The following SCN1A variants were observed in gnomAD, a reference collection of about 807,000 sequenced individuals.
The protein encoded by SCN1A is sodium voltage-gated channel alpha subunit 1.
In SCN1A, 13 loss-of-function variants were observed where a neutral mutation model predicts 193.7. The observed-to-expected ratio is 0.07, with a 90% confidence interval of 0.04 to 0.11. The LOEUF (loss-of-function observed/expected upper bound fraction) is 0.11, where lower values mean the gene tolerates loss of function less well. SCN1A is among the 10% of genes least tolerant of loss of function. The pLI, the probability that SCN1A is intolerant of heterozygous loss-of-function variation, is 1.00. For missense variants in SCN1A, 1,432 were observed against 2,451.1 expected, an observed-to-expected ratio of 0.58 and a Z score of 8.78; for synonymous variants, 781 against 843.6, an observed-to-expected ratio of 0.93 and a Z score of 1.29.
At chr2:166,105,076 G>A (rs1048323264) in intron 2 of SCN1A, among the ~76,000 whole-genome samples, 1 of 152,114 alleles carries the variant, frequency 6.6e-6, no homozygotes, top group Non-Finnish European at 1.5e-5. Flanking sequence ...TTGCTATAGA[G>A]GAAAAAGTGT....
chr2:166,012,786 T>C (rs1692706846), intron 21 of SCN1A, among the ~76,000 whole-genome samples: 1 of 146,108 alleles, frequency 6.8e-6, no homozygotes, highest in East Asian at 2.0e-4. Context: ...ATAATTTATG[T>C]TTCTCAACAG....
chr2:166,024,922 G>A (rs1313774373), intron 19 of SCN1A, among the ~76,000 whole-genome samples: 1 of 152,224 alleles, frequency 6.6e-6, no homozygotes, highest in African/African-American at 2.4e-5. Context: ...CCAAAGTGCT[G>A]TGACTACAGG....
chr2:166,058,510 C>G lies in SCN1A; in HGVS notation c.383+60G>C, dbSNP rs903901438. 8.7e-6 allele frequency: 8 copies of G among 920,464 alleles called. No homozygotes were observed. In the African/African-American group the frequency reaches 1.3e-4, roughly 15 times the overall value. 57.0% of individuals were successfully genotyped at this position (920,464 alleles called of 1,614,324 possible). ...TTTCCCAACTTAATTTGATATTTAG[C>G]TATAAAGTGCTTACAGATCATGTAC... On this transcript the variant is annotated intron_variant, in intron 5 of 28. Coordinates refer to ENST00000674923, the MANE Select transcript of SCN1A (RefSeq NM_001165963.4).
chr2:166,041,108 C>T (rs1356009715), intron 16 of SCN1A, 123 bp downstream of exon 16: 15 of 799,012 alleles, frequency 1.9e-5, no homozygotes, highest in East Asian at 7.5e-5. Flanking sequence ...AATATAATTG[C>T]GATTTTGCAG....
At chr2:166,074,461 C>T (rs1684794490) in intron 3 of SCN1A, among the ~76,000 whole-genome samples, 1 of 112,084 alleles carries the variant, frequency 8.9e-6, no homozygotes, top group Admixed American at 9.1e-5. Context: ...GCCATAAACT[C>T]AATAGAAACT....
intron 9 of SCN1A, 92 bp downstream of exon 9, chr2:166,051,622 GTAAAA>G: frequency 1.1e-6 from 1 of 945,988 alleles, no homozygotes; most frequent in Non-Finnish European, 1.6e-6. Flanking sequence ...ATCACATCAT[GTAAAA>G]TGGGATATCC....
In SCN1A at chr2:166,106,119, G is replaced by A. The variant is rs1160490401; in HGVS notation, c.-142+20805C>T. On this transcript the variant is annotated intron_variant, in intron 2 of 28. Coordinates refer to ENST00000674923, the MANE Select transcript of SCN1A (RefSeq NM_001165963.4). Reference sequence around the variant, plus strand: ...GGAGAATGGCGTGAACCTGGAAAGCGGAGCTTGCAGTGAGCCCAGATTGCG... The same window carrying A: ...GGAGAATGGCGTGAACCTGGAAAGCAGAGCTTGCAGTGAGCCCAGATTGCG... Among the ~76,000 whole-genome samples the A allele has an allele frequency of 3.9e-5, 6 of 152,312 alleles. No individual in the cohort carries two copies. In the East Asian group the frequency reaches 9.7e-4, roughly 25 times the overall value.
At chr2:166,037,725 A>C (rs748537633) in intron 18 of SCN1A, 51 bp downstream of exon 18, 1 of 1,526,620 alleles carries the variant, frequency 6.6e-7, no homozygotes, top group Admixed American at 1.7e-5. Flanking sequence ...ATATGTATAC[A>C]TGTGCCATGC....
chr2:166,028,973 T>C (rs1695176520), intron 19 of SCN1A, among the ~76,000 whole-genome samples: 1 of 151,950 alleles, frequency 6.6e-6, no homozygotes, highest in African/African-American at 2.4e-5. Flanking sequence ...AAGGATGTGG[T>C]GGGTGAGGAT....
intron 2 of SCN1A, among the ~76,000 whole-genome samples, chr2:166,092,139 G>A (rs1425628495): frequency 2.0e-5 from 3 of 151,922 alleles, no homozygotes; most frequent in Non-Finnish European, 4.4e-5. Flanking sequence ...AAATAATATG[G>A]CATATTGCTT....
At chr2:166,017,000 TG>T (rs1355294538) in intron 19 of SCN1A, among the ~76,000 whole-genome samples, 1 of 150,466 alleles carries the variant, frequency 6.6e-6, no homozygotes, top group Non-Finnish European at 1.5e-5. Context: ...CTTATATGTC[TG>T]GGTCCATATC....
chr2:166,042,876 T>C (rs1697342722), intron 14 of SCN1A, among the ~76,000 whole-genome samples: 4 of 152,198 alleles, frequency 2.6e-5, no homozygotes, highest in Admixed American at 1.3e-4. Context: ...GGACACAAGA[T>C]GTAGATGGTC....
chr2:166,088,680 T>C (rs2106066089), intron 2 of SCN1A, among the ~76,000 whole-genome samples: 1 of 152,306 alleles, frequency 6.6e-6, no homozygotes, highest in Admixed American at 6.5e-5. Flanking sequence ...CTACCCTACA[T>C]TCACCCCCAG....
intron 16 of SCN1A, 36 bp downstream of exon 16, chr2:166,041,195 T>G (rs777677561): frequency 4.2e-6 from 6 of 1,439,066 alleles, no homozygotes; most frequent in Non-Finnish European, 5.9e-6. Flanking sequence ...GCAGAAAATT[T>G]GAAGACTAAA....
intron 21 of SCN1A, among the ~76,000 whole-genome samples, chr2:166,013,225 G>T (rs536136054): frequency 6.6e-6 from 1 of 151,518 alleles, no homozygotes; most frequent in South Asian, 2.1e-4. Context: ...AATCTCTTGG[G>T]CATGCTGCCC....
chr2:166,057,213 G>A (rs1007438349), intron 5 of SCN1A, among the ~76,000 whole-genome samples: 1 of 151,878 alleles, frequency 6.6e-6, no homozygotes, highest in Non-Finnish European at 1.5e-5. Context: ...AGCTAATAAT[G>A]TACTCATTTT....
At chr2:166,067,134 G>A (rs1463879030) in intron 4 of SCN1A, among the ~76,000 whole-genome samples, 1 of 152,020 alleles carries the variant, frequency 6.6e-6, no homozygotes, top group African/African-American at 2.4e-5. Context: ...GAAAATAGGT[G>A]CTTATCACCC....
rs1416781502 is a variant in SCN1A at position 165,987,673 on chromosome 2, C to T, written c.*3572G>A. 1 of 152,148 alleles carries T rather than the reference C, an allele frequency of 6.6e-6. No individual in the cohort carries two copies. The highest frequency in any genetic ancestry group is 1.5e-5 in the Non-Finnish European group (1 of 68,026). 9.4% of individuals were successfully genotyped at this position (152,148 alleles called of 1,614,324 possible). On this transcript the variant is annotated 3_prime_UTR_variant, in exon 29 of 29. Coordinates refer to ENST00000674923, the MANE Select transcript of SCN1A (RefSeq NM_001165963.4). ...AGATTTGGCCAGTGGGAAGCCCCTT[C>T]TAGTTGGTTCCTGTGTCTTACTGAC...
chr2:166,132,646 T>C (rs916073857), upstream of SCN1A, among the ~76,000 whole-genome samples: 3 of 152,252 alleles, frequency 2.0e-5, no homozygotes, highest in African/African-American at 4.8e-5. Flanking sequence ...AGCCAACTAG[T>C]TTTTCTGCAA....
Sources: gnomAD v4.1 joint callset for allele counts (sites outside exome capture counted in the v4.1 genomes callset) on GRCh38, gnomAD v4.1.1 for gene constraint, MANE v1.5 for transcripts, NCBI Gene and HGNC (gene_info 2026-07-23, HGNC 2026-07-21) for gene names.